The following MICAL3 variants were observed in gnomAD, a reference collection of about 807,000 sequenced individuals.
The protein encoded by MICAL3 is microtubule associated monooxygenase, calponin and LIM domain containing 3, also known as [F-actin]-monooxygenase MICAL3.
A neutral mutation model predicts 207.4 loss-of-function variants in MICAL3; 62 were observed. The ratio of observed to expected loss-of-function variants is 0.30; its 90% CI spans 0.24 to 0.37. The LOEUF is 0.37. MICAL3 is among the 10% of genes least tolerant of loss of function. MICAL3 has a pLI of 1.00. For synonymous variants in MICAL3, 1,077 were observed against 1,069.3 expected, an observed-to-expected ratio of 1.01 and a Z score of -0.14; for missense variants, 2,368 against 2,635.6, an observed-to-expected ratio of 0.90 and a Z score of 2.22.
chr22:18,007,819 A>T (rs919360025), intron 1 of MICAL3, among the ~76,000 whole-genome samples: 15 of 142,312 alleles, frequency 1.1e-4, no homozygotes, highest in Non-Finnish European at 1.5e-4. Context: ...GCTACTCGGG[A>T]GGCTGAGGCA....
chr22:17,935,479 G>C (rs1167325496), intron 1 of MICAL3, among the ~76,000 whole-genome samples: 1 of 152,210 alleles, frequency 6.6e-6, no homozygotes, highest in Non-Finnish European at 1.5e-5. Context: ...AAAAATCCTA[G>C]AAGAAAACCT....
At chr22:17,872,566 C>T (rs551795446) in intron 16 of MICAL3, among the ~76,000 whole-genome samples, 1 of 152,278 alleles carries the variant, frequency 6.6e-6, no homozygotes, top group South Asian at 2.1e-4. Flanking sequence ...TATGTGGGTC[C>T]CTGGACTCAC....
intron 7 of MICAL3, among the ~76,000 whole-genome samples, chr22:17,898,092 T>C (rs1931003644): frequency 7.4e-6 from 1 of 134,610 alleles, no homozygotes; most frequent in Non-Finnish European, 1.5e-5. Flanking sequence ...ACCAAAGGCA[T>C]GGCCCCTGCC....
chr22:18,010,957 GA>G (rs753681629), intron 1 of MICAL3, among the ~76,000 whole-genome samples: 1 of 152,014 alleles, frequency 6.6e-6, no homozygotes, highest in Non-Finnish European at 1.5e-5. Flanking sequence ...GCAACAAAAA[GA>G]AAAAACAAAC....
In MICAL3 at chr22:17,841,626, G is replaced by T; in HGVS notation, c.2801+196C>A. ...AGGAATAAATACTTCCTGAATCTCT[G>T]AATTGAGTCTGATGGAGGAGTCCTC... On this transcript the variant is annotated intron_variant, in intron 20 of 31. Coordinates refer to ENST00000441493, the MANE Select transcript of MICAL3 (RefSeq NM_015241.3). The surrounding 1 kb of genome is among the most constrained non-coding windows in gnomAD (Gnocchi z 4.2). 1 of 600,948 alleles carries T rather than the reference G, an allele frequency of 1.7e-6. No homozygotes were observed. Among genetic ancestry groups the T allele is most frequent in the South Asian group, 2.0e-5 (1 of 49,846 alleles). 37.2% of individuals were successfully genotyped at this position (600,948 alleles called of 1,614,324 possible).
At chr22:17,907,933 C>T (rs140053472) in intron 1 of MICAL3, among the ~76,000 whole-genome samples, 1 of 152,302 alleles carries the variant, frequency 6.6e-6, no homozygotes, top group East Asian at 1.9e-4. Flanking sequence ...ATATCTATGC[C>T]TTCCACCTAT....
chr22:17,877,749 CA>C (rs1278623062), intron 16 of MICAL3, among the ~76,000 whole-genome samples: 1 of 152,036 alleles, frequency 6.6e-6, no homozygotes. Context: ...CTCCTGAGCT[CA>C]AAAACCCTAA....
At chr22:17,809,223 A>C (rs925889278) in intron 28 of MICAL3, among the ~76,000 whole-genome samples, 13 of 152,202 alleles carry the variant, frequency 8.5e-5, no homozygotes, top group Non-Finnish European at 1.5e-4. Context: ...AAGTGGATGT[A>C]ATCTGTGGCA....
rs1399544286 is a variant in MICAL3, at chr22:17,796,973, T to C, written c.5651-5672A>G. 6.6e-6 allele frequency among the ~76,000 whole-genome samples: 1 copy of C among 151,804 alleles called. No homozygotes were observed. Among genetic ancestry groups the C allele is most frequent in the Admixed American group, 6.6e-5 (1 of 15,252 alleles). On this transcript the variant is annotated intron_variant, in intron 29 of 31. Transcript: ENST00000441493. This position sits in a 1 kb window ranked among gnomAD's most constrained non-coding sequence, Gnocchi z 4.4. ...CCCCTTCTCTGTACTTGTACTTCTATATTCCCACCTTCTCTCCAACCAAGA... is the reference window on the plus strand; with the variant it reads ...CCCCTTCTCTGTACTTGTACTTCTACATTCCCACCTTCTCTCCAACCAAGA...
chr22:17,964,249 T>G (rs928308091), intron 1 of MICAL3, among the ~76,000 whole-genome samples: 1 of 152,208 alleles, frequency 6.6e-6, no homozygotes, highest in African/African-American at 2.4e-5. Flanking sequence ...CAGCCTGCTG[T>G]TGCCCTCTGT....
rs535525421 is a variant in MICAL3 at position 17,921,029 on chromosome 22, C to T, written c.-74-14143G>A. Among the ~76,000 whole-genome samples, 6 of 152,212 alleles carry T rather than the reference C, an allele frequency of 3.9e-5. No homozygotes were observed. In the East Asian group the frequency reaches 1.2e-3, roughly 29 times the overall value. On this transcript the variant is annotated intron_variant, in intron 1 of 31. Coordinates refer to ENST00000441493, the MANE Select transcript of MICAL3 (RefSeq NM_015241.3). Reference sequence around the variant, plus strand: ...AGATGACTCCCTCGCATTTTGCCCACAAGGAAATTCCTTGTGGGCCCCAAG... The same window carrying T: ...AGATGACTCCCTCGCATTTTGCCCATAAGGAAATTCCTTGTGGGCCCCAAG...
At chr22:17,918,160 A>G (rs1446227945) in intron 1 of MICAL3, among the ~76,000 whole-genome samples, 1 of 152,196 alleles carries the variant, frequency 6.6e-6, no homozygotes, top group African/African-American at 2.4e-5. Context: ...TGTCGTAAAC[A>G]TTTTGGTCTC....
intron 1 of MICAL3, among the ~76,000 whole-genome samples, chr22:17,924,814 T>C (rs1057125593): frequency 4.6e-5 from 7 of 152,300 alleles, no homozygotes; most frequent in Non-Finnish European, 7.4e-5. Context: ...TTCATAAACA[T>C]TGCTGCAGGA....
chr22:17,819,060 G>C lies in MICAL3; in HGVS notation c.3601C>G (p.Pro1201Ala), dbSNP rs1314393408. Reference sequence around the variant, plus strand: ...TTGGGCTTCTCTTTGGGGAGCAAAGGCTCAGGGAAAAGGCGCTCCTCAGGT... The same window carrying C: ...TTGGGCTTCTCTTTGGGGAGCAAAGCCTCAGGGAAAAGGCGCTCCTCAGGT... ...KSPEERLFPEPLLPKEKPKAD... is the reference protein window; with the variant it reads ...KSPEERLFPEALLPKEKPKAD... Residue 1201 changes from proline (P) to alanine (A), a missense_variant, in exon 26 of 32, where the codon CCT becomes GCT. Pro to Ala is a conservative substitution (Grantham distance 27). Coordinates refer to ENST00000441493, the MANE Select transcript of MICAL3 (RefSeq NM_015241.3). The C allele has an allele frequency of 9.5e-6, 15 of 1,573,468 alleles. No individual in the cohort carries two copies. The highest frequency in any genetic ancestry group is 1.3e-5 in the Non-Finnish European group (15 of 1,159,734).
intron 1 of MICAL3, among the ~76,000 whole-genome samples, chr22:17,927,391 T>C (rs912790461): frequency 6.6e-6 from 1 of 152,244 alleles, no homozygotes; most frequent in Admixed American, 6.5e-5. Flanking sequence ...GCCATAAACA[T>C]GGGGACACAA....
Position 17,876,186 on chromosome 22 carries a change from A to G in MICAL3, c.2242-4163T>C, listed in dbSNP as rs73386339. ...CTGCAGACTGCACATAGCACACGTA[A>G]CAAAACTGGGCAAGGGTCTCCCTTA... On this transcript the variant is annotated intron_variant, in intron 16 of 31. Transcript: ENST00000441493. 5.6e-3 allele frequency among the ~76,000 whole-genome samples: 854 copies of G among 152,310 alleles called. 8 individuals carry two copies. Among genetic ancestry groups the G allele is most frequent in the African/African-American group, 0.02 (821 of 41,562 alleles).
Position 17,896,258 on chromosome 22 carries a change from A to C in MICAL3, c.1310T>G (p.Val437Gly). ...TACTTCCCATTACCTCTCTGCCAGC[A>C]CTTCCAAAGGGCTCGTTCCTAGAGA... ...SWSLGTSPLE[V>G]LAERESIYRL... Residue 437 changes from valine to glycine, a missense_variant, in exon 9 of 32, where the codon GTG becomes GGG. By Grantham distance (109) the Val-to-Gly change is moderately radical. This residue lies in a region of MICAL3 where 147 missense variants were observed against 137.7 expected (regional missense o/e 1.07). Coordinates refer to ENST00000441493, the MANE Select transcript of MICAL3 (RefSeq NM_015241.3). 6.4e-7 allele frequency: 1 copy of C among 1,553,964 alleles called. No individual in the cohort carries two copies. The highest frequency in any genetic ancestry group is 8.7e-7 in the Non-Finnish European group (1 of 1,147,570).
At chr22:17,908,678 T>A (rs908088606) in intron 1 of MICAL3, among the ~76,000 whole-genome samples, 8 of 152,132 alleles carry the variant, frequency 5.3e-5, no homozygotes, top group Non-Finnish European at 8.8e-5. Flanking sequence ...GGTGCTCTCA[T>A]CACAATGGCC....
intron 17 of MICAL3, among the ~76,000 whole-genome samples, chr22:17,871,384 C>G (rs1927710433): frequency 6.6e-6 from 1 of 152,220 alleles, no homozygotes. Context: ...CACGGGCCAC[C>G]TTGCAGACAT....
Sources: allele counts gnomAD v4.1 joint callset (sites outside exome capture counted in the v4.1 genomes callset), GRCh38; gene constraint gnomAD v4.1.1; regional missense constraint gnomAD v4.1.1; non-coding constraint Gnocchi (gnomAD v3.1); transcripts MANE v1.5; gene names NCBI Gene and HGNC (gene_info 2026-07-23, HGNC 2026-07-21).